Variants in C2CD4A observed in about 807,000 individuals in gnomAD.
The protein encoded by C2CD4A is C2 calcium-dependent domain-containing protein 4A.
A neutral mutation model predicts 0.4 loss-of-function variants in C2CD4A; 2 were observed. The observed-to-expected ratio is 4.45, with a 90% CI of 1.82 to 13.99. C2CD4A has a LOEUF of 13.99. C2CD4A is among the 30% of genes most tolerant of loss of function. The probability of loss-of-function intolerance (pLI) is 0.04; values close to 1 mark genes in which losing one functional copy is unlikely to be tolerated. For synonymous variants in C2CD4A, 297 were observed against 280.8 expected (o/e 1.06, Z -0.58); for missense variants, 610 against 574.2 (o/e 1.06, Z -0.64).
At position 62,068,740 on chromosome 15, in the gene C2CD4A, G is replaced by A. The variant is rs557842110; in HGVS notation, c.*17G>A. ...CTGCTCTGAGGGCCCAGCCCTCCCC[G>A]GGGCGCTCTGCCCGGGGGACTCCGG... On this transcript the variant is annotated 3_prime_UTR_variant, in exon 2 of 2. Coordinates refer to ENST00000355522, the MANE Select transcript of C2CD4A (RefSeq NM_207322.3). 248 of 1,449,636 alleles carry A rather than the reference G, an allele frequency of 1.7e-4. No homozygotes were observed. The highest frequency in any genetic ancestry group is 9.2e-4 in the African/African-American group (63 of 68,670). The allele number at this position is 1,449,636 out of a possible 1,614,324, so 89.8% of individuals were successfully genotyped here.
chr15:62,067,569 C>CCTTT lies in C2CD4A; in HGVS notation c.-29-15_-29-12dup, dbSNP rs1284302079. The CCTTT allele has an allele frequency of 2.6e-6, 4 of 1,536,510 alleles. No homozygotes were observed. The African/African-American group carries it at 4.1e-5, about 16-fold the overall frequency. On this transcript the variant is annotated splice_polypyrimidine_tract_variant and intron_variant, in intron 1 of 1. Coordinates refer to ENST00000355522, the MANE Select transcript of C2CD4A (RefSeq NM_207322.3). ...GGGACTCGCTCTGACGATCCTTGTG[C>CCTTT]CTTTGTGCACTGCAGGTAGACAAGC...
chr15:62,070,538 G>T lies in C2CD4A; in HGVS notation c.*1815G>T. On this transcript the variant is annotated 3_prime_UTR_variant, in exon 2 of 2. Transcript: ENST00000355522. The stretch of plus-strand genomic sequence containing the variant: ...TTCATTAAAAATGCTATTTAGAAAA[G>T]AGTTTGATAAAATAAATATTATACA... The T allele has an allele frequency of 2.4e-6, 1 of 413,434 alleles. No individual in the cohort carries two copies. Among genetic ancestry groups the T allele is most frequent in the Non-Finnish European group, 4.4e-6 (1 of 226,136 alleles). The allele number at this position is 413,434 out of a possible 1,614,324, so 25.6% of individuals were successfully genotyped here.
rs2049078980 is a variant in C2CD4A, at chr15:62,070,815, T to G, written c.*2092T>G. 3 of 293,260 alleles carry G rather than the reference T, an allele frequency of 1.0e-5. No homozygotes were observed. Among genetic ancestry groups the G allele is most frequent in the Non-Finnish European group, 2.0e-5 (3 of 153,050 alleles). 18.2% of individuals were successfully genotyped at this position (293,260 alleles called of 1,614,324 possible). Reference sequence around the variant, plus strand: ...GGCCCTCAAGCCAACATTCATTTTTTATGTATAACCTTCTTCATGATTTTG... The same window carrying G: ...GGCCCTCAAGCCAACATTCATTTTTGATGTATAACCTTCTTCATGATTTTG... On this transcript the variant is annotated 3_prime_UTR_variant, in exon 2 of 2. Coordinates refer to ENST00000355522, the MANE Select transcript of C2CD4A (RefSeq NM_207322.3).
Position 62,068,294 on chromosome 15 carries a change from C to T in C2CD4A, c.681C>T (p.Pro227=), listed in dbSNP as rs1477174260. The T allele has an allele frequency of 2.8e-6, 4 of 1,415,036 alleles. No individual in the cohort carries two copies. The African/African-American group carries it at 4.5e-5, about 16-fold the overall frequency. 87.7% of individuals were successfully genotyped at this position (1,415,036 alleles called of 1,614,324 possible). The part of the protein sequence containing the change: ...RAGSQSPARA[P]STSPPSSRVP... ...GCTCCCAGTCCCCGGCCCGGGCCCC[C>T]TCCACGAGCCCGCCGTCGTCCCGGG... is the stretch of plus-strand genomic sequence containing the variant. Residue 227 remains proline, a synonymous_variant, in exon 2 of 2, where the codon CCC becomes CCT. Coordinates refer to ENST00000355522, the MANE Select transcript of C2CD4A (RefSeq NM_207322.3).
chr15:62,068,435 G>C lies in C2CD4A; in HGVS notation c.822G>C (p.Leu274=). Residue 274 remains leucine (L), a synonymous_variant, in exon 2 of 2, where the codon CTG becomes CTC. Transcript: ENST00000355522. ...GAACCGGGCGGCTCCGCCTCCGGCT[G>C]CTCCGCGCCGAGAGCCCGGCCGGAG... is the stretch of plus-strand genomic sequence containing the variant. The part of the protein sequence containing the change: ...CPGTGRLRLR[L]LRAESPAGGA... The C allele has an allele frequency of 2.1e-6, 3 of 1,413,624 alleles. No individual in the cohort carries two copies. The highest frequency in any genetic ancestry group is 2.7e-6 in the Non-Finnish European group (3 of 1,093,324). 87.6% of individuals were successfully genotyped at this position (1,413,624 alleles called of 1,614,324 possible). A position where few individuals can be genotyped will look rare whatever the true frequency, so the allele number is the denominator to read the frequency against.
At position 62,067,581 on chromosome 15, in the gene C2CD4A, G is replaced by A; in HGVS notation, c.-29-4G>A. On this transcript the variant is annotated splice_polypyrimidine_tract_variant and splice_region_variant and intron_variant, in intron 1 of 1. Coordinates refer to ENST00000355522, the MANE Select transcript of C2CD4A (RefSeq NM_207322.3). The stretch of plus-strand genomic sequence containing the variant: ...GACGATCCTTGTGCCTTTGTGCACT[G>A]CAGGTAGACAAGCTCCAGCAGAGAG... 1.3e-6 allele frequency: 2 copies of A among 1,553,506 alleles called. No homozygotes were observed. The highest frequency in any genetic ancestry group is 1.8e-5 in the Admixed American group (1 of 57,118).
At position 62,068,376 on chromosome 15, in the gene C2CD4A, G is replaced by A; in HGVS notation, c.763G>A (p.Asp255Asn). 1 of 1,361,224 alleles carries A rather than the reference G, an allele frequency of 7.3e-7. No individual in the cohort carries two copies. Among genetic ancestry groups the A allele is most frequent in the Non-Finnish European group, 9.4e-7 (1 of 1,062,444 alleles). The allele number at this position is 1,361,224 out of a possible 1,614,324, so 84.3% of individuals were successfully genotyped here. A position where few individuals can be genotyped will look rare whatever the true frequency, so the allele number is the denominator to read the frequency against. ...CACCGTGGCTCTGGGCCGCGCCGGCGACGCCCTGCGCCTGGCCGCCGAGTA... is the reference window on the plus strand; with the variant it reads ...CACCGTGGCTCTGGGCCGCGCCGGCAACGCCCTGCGCCTGGCCGCCGAGTA... ...EGTVALGRAGDALRLAAEYCP... is the reference protein window; with the variant it reads ...EGTVALGRAGNALRLAAEYCP... Residue 255 changes from aspartate (D) to asparagine (N), a missense_variant, in exon 2 of 2, where the codon GAC (aspartate) becomes AAC (asparagine). Asp to Asn is a conservative substitution (Grantham distance 23). Transcript: ENST00000355522.
In C2CD4A at chr15:62,067,829, A is replaced by C. The variant is rs201166813; in HGVS notation, c.216A>C (p.Ala72=). Residue 72 remains alanine (A), a synonymous_variant, in exon 2 of 2, where the codon GCA becomes GCC. Coordinates refer to ENST00000355522, the MANE Select transcript of C2CD4A (RefSeq NM_207322.3). ...AALRNSWVEE[A]GMDEGAGRTD... is the part of the protein sequence containing the mutation. ...TCCGGAATTCTTGGGTCGAAGAAGCAGGGATGGACGAGGGCGCCGGCCGCA... is the reference window on the plus strand; with the variant it reads ...TCCGGAATTCTTGGGTCGAAGAAGCCGGGATGGACGAGGGCGCCGGCCGCA... The C allele has an allele frequency of 1.1e-5, 18 of 1,610,992 alleles. No individual in the cohort carries two copies. In the East Asian group the frequency reaches 1.6e-4, roughly 14 times the overall value.
rs2049058183 is a variant in C2CD4A, at chr15:62,068,125, C to T, written c.512C>T (p.Ala171Val). 1 of 1,185,852 alleles carries T rather than the reference C, an allele frequency of 8.4e-7. No homozygotes were observed. The highest frequency in any genetic ancestry group is 1.0e-6 in the Non-Finnish European group (1 of 960,820). 73.5% of individuals were successfully genotyped at this position (1,185,852 alleles called of 1,614,324 possible). ...GGCTGTCCCCGCCCGCCCCAGGACG[C>T]GCTCGCCCGGCGGCCCCGCGGCTGC... ...APGCPRPPQD[A>V]LARRPRGCRL... The change falls in exon 2 of 2, where the codon GCG (alanine) becomes GTG (valine). Residue 171 changes from alanine (A) to valine (V), a missense_variant. Transcript: ENST00000355522.
chr15:62,067,571 T>C lies in C2CD4A; in HGVS notation c.-29-14T>C, dbSNP rs1364498379. 3 of 1,540,788 alleles carry C rather than the reference T, an allele frequency of 1.9e-6. No homozygotes were observed. In the African/African-American group the frequency reaches 4.1e-5, roughly 21 times the overall value. On this transcript the variant is annotated splice_polypyrimidine_tract_variant and intron_variant, in intron 1 of 1. Transcript: ENST00000355522. ...GACTCGCTCTGACGATCCTTGTGCC[T>C]TTGTGCACTGCAGGTAGACAAGCTC...
At position 62,069,584 on chromosome 15, in the gene C2CD4A, A is replaced by AAATAAT. The variant is rs35016296; in HGVS notation, c.*876_*881dup. 2,567 of 159,652 alleles carry AAATAAT rather than the reference A, an allele frequency of 0.016. 74 individuals carry two copies. The highest frequency in any genetic ancestry group is 0.058 in the African/African-American group (2,400 of 41,032). 9.9% of individuals were successfully genotyped at this position (159,652 alleles called of 1,614,324 possible). On this transcript the variant is annotated 3_prime_UTR_variant, in exon 2 of 2. Coordinates refer to ENST00000355522, the MANE Select transcript of C2CD4A (RefSeq NM_207322.3). ...GCAACCGGAGTGAGACCCTGTCTGC[A>AAATAAT]AATAATAATAATAATAATAAATAGT... is the stretch of plus-strand genomic sequence containing the variant.
Position 62,067,722 on chromosome 15 carries a change from T to A in C2CD4A, c.109T>A (p.Cys37Ser), listed in dbSNP as rs369284413. The A allele has an allele frequency of 1.2e-5, 20 of 1,611,554 alleles. No individual in the cohort carries two copies. Among genetic ancestry groups the A allele is most frequent in the Middle Eastern group, 3.3e-4 (2 of 6,070 alleles). ...RGAKSRTTAA[C>S]ANVLTPDRIP... ...AGCCAAGTCTCGCACCACCGCCGCG[T>A]GCGCAAATGTGCTCACTCCGGACCG... Residue 37 changes from cysteine (C) to serine (S), a missense_variant, in exon 2 of 2, where the codon TGC (cysteine) becomes AGC (serine). By Grantham distance (112) the Cys-to-Ser change is moderately radical. Coordinates refer to ENST00000355522, the MANE Select transcript of C2CD4A (RefSeq NM_207322.3).
chr15:62,068,781 T>A lies in C2CD4A; in HGVS notation c.*58T>A. On this transcript the variant is annotated 3_prime_UTR_variant, in exon 2 of 2. Transcript: ENST00000355522. ...GGGACTCCGGACACTGACAGCCGCG[T>A]GGTACAAAATAAACGTGTATTTGTT... The A allele has an allele frequency of 7.0e-7, 1 of 1,421,888 alleles. No homozygotes were observed. Among genetic ancestry groups the A allele is most frequent in the Non-Finnish European group, 9.2e-7 (1 of 1,084,218 alleles). The allele number at this position is 1,421,888 out of a possible 1,614,324, so 88.1% of individuals were successfully genotyped here.
In C2CD4A at chr15:62,068,741, G is replaced by A; in HGVS notation, c.*18G>A. 9 of 1,449,628 alleles carry A rather than the reference G, an allele frequency of 6.2e-6. No homozygotes were observed. Among genetic ancestry groups the A allele is most frequent in the Non-Finnish European group, 8.2e-6 (9 of 1,096,288 alleles). The allele number at this position is 1,449,628 out of a possible 1,614,324, so 89.8% of individuals were successfully genotyped here. A position where few individuals can be genotyped will look rare whatever the true frequency, so the allele number is the denominator to read the frequency against. ...TGCTCTGAGGGCCCAGCCCTCCCCG[G>A]GGCGCTCTGCCCGGGGGACTCCGGA... On this transcript the variant is annotated 3_prime_UTR_variant, in exon 2 of 2. Coordinates refer to ENST00000355522, the MANE Select transcript of C2CD4A (RefSeq NM_207322.3).
At position 62,068,115 on chromosome 15, in the gene C2CD4A, C is replaced by T; in HGVS notation, c.502C>T (p.Pro168Ser). ...TPAAPGCPRP[P>S]QDALARRPRG... The stretch of plus-strand genomic sequence containing the variant: ...CGCGGCCCCCGGCTGTCCCCGCCCG[C>T]CCCAGGACGCGCTCGCCCGGCGGCC... Residue 168 changes from proline (P) to serine (S), a missense_variant, in exon 2 of 2, where the codon CCC (proline) becomes TCC (serine). Pro to Ser is a moderately conservative substitution (Grantham distance 74). Coordinates refer to ENST00000355522, the MANE Select transcript of C2CD4A (RefSeq NM_207322.3). The T allele has an allele frequency of 8.5e-7, 1 of 1,172,954 alleles. No homozygotes were observed. The highest frequency in any genetic ancestry group is 1.0e-6 in the Non-Finnish European group (1 of 952,572). The allele number at this position is 1,172,954 out of a possible 1,614,324, so 72.7% of individuals were successfully genotyped here.
chr15:62,068,622 C>A lies in C2CD4A; in HGVS notation c.1009C>A (p.Leu337Met). The A allele has an allele frequency of 6.4e-7, 1 of 1,559,138 alleles. No homozygotes were observed. Among genetic ancestry groups the A allele is most frequent in the Non-Finnish European group, 8.7e-7 (1 of 1,151,778 alleles). ...CCTCTCGGAGGACGAAGTGCGCCGCCTGGCCGTTCGAGTCAAGGCCCGGGA... is the reference window on the plus strand; with the variant it reads ...CCTCTCGGAGGACGAAGTGCGCCGCATGGCCGTTCGAGTCAAGGCCCGGGA... ...DGLSEDEVRR[L>M]AVRVKARDEG... Residue 337 changes from leucine to methionine, a missense_variant, in exon 2 of 2, where the codon CTG becomes ATG. Transcript: ENST00000355522.
rs1398791421 is a variant in C2CD4A at position 62,068,798 on chromosome 15, G to T, written c.*75G>T. Reference sequence around the variant, plus strand: ...CAGCCGCGTGGTACAAAATAAACGTGTATTTGTTGTTCTTATCAGTCCCGT... The same window carrying T: ...CAGCCGCGTGGTACAAAATAAACGTTTATTTGTTGTTCTTATCAGTCCCGT... On this transcript the variant is annotated 3_prime_UTR_variant, in exon 2 of 2. Coordinates refer to ENST00000355522, the MANE Select transcript of C2CD4A (RefSeq NM_207322.3). 1 of 1,412,172 alleles carries T rather than the reference G, an allele frequency of 7.1e-7. No homozygotes were observed. The highest frequency in any genetic ancestry group is 3.0e-5 in the Admixed American group (1 of 33,354). The allele number at this position is 1,412,172 out of a possible 1,614,324, so 87.5% of individuals were successfully genotyped here.
Position 62,068,055 on chromosome 15 carries a change from C to A in C2CD4A, c.442C>A (p.Leu148Met). 8.4e-7 allele frequency: 1 copy of A among 1,194,984 alleles called. No homozygotes were observed. Among genetic ancestry groups the A allele is most frequent in the East Asian group, 3.7e-5 (1 of 27,384 alleles). 74.0% of individuals were successfully genotyped at this position (1,194,984 alleles called of 1,614,324 possible). Residue 148 changes from leucine (L) to methionine (M), a missense_variant, in exon 2 of 2, where the codon CTG (leucine) becomes ATG (methionine). Coordinates refer to ENST00000355522, the MANE Select transcript of C2CD4A (RefSeq NM_207322.3). ...GGGPDALLGT[L>M]RVPRAPGPAT... ...CGGCCCGGACGCCCTCCTGGGGACC[C>A]TGCGCGTCCCGCGAGCTCCGGGCCC...
chr15:62,068,920 G>A lies in C2CD4A; in HGVS notation c.*197G>A, dbSNP rs1187744038. ...ACCTCCAGAATTTTTTTCAGCAAAT[G>A]GAATGGTTCTACAGTGTTTCCCAAT... On this transcript the variant is annotated 3_prime_UTR_variant, in exon 2 of 2. Transcript: ENST00000355522. The A allele has an allele frequency of 1.4e-6, 1 of 731,098 alleles. No individual in the cohort carries two copies. The highest frequency in any genetic ancestry group is 2.1e-6 in the Non-Finnish European group (1 of 483,746). 45.3% of individuals were successfully genotyped at this position (731,098 alleles called of 1,614,324 possible).
Sources: allele counts gnomAD v4.1 joint callset, GRCh38; gene constraint gnomAD v4.1.1; transcripts MANE v1.5; gene names NCBI Gene and HGNC (gene_info 2026-07-23, HGNC 2026-07-21).